TMEM72: variants seen among roughly 807,000 people sequenced by gnomAD.
The protein encoded by TMEM72 is kidney-specific secretory protein of 37 kDa.
TMEM72 carries 9 observed loss-of-function variants against 16.3 expected under a neutral mutation model. The ratio of observed to expected loss-of-function variants is 0.55; its 90% CI spans 0.33 to 0.96. The LOEUF is 0.96. TMEM72 is among the 40% of genes least tolerant of loss of function. TMEM72 has a pLI of 0.03. For missense variants in TMEM72, 324 were observed against 337.8 expected (o/e 0.96, Z 0.32); for synonymous variants, 160 against 146.5 (o/e 1.09, Z -0.66).
chr10:44,913,487 C>T (rs11595954), intron 1 of TMEM72, among the ~76,000 whole-genome samples: 1,750 of 152,166 alleles, frequency 0.012, 11 homozygotes, highest in Non-Finnish European at 0.018. Context: ...CAAACCCGTG[C>T]GCGCGCACAT....
chr10:44,934,886 A>G lies in TMEM72; in HGVS notation c.580A>G (p.Lys194Glu). ...IHMKSILKGTKKPSALQPPNT... is the reference protein window; with the variant it reads ...IHMKSILKGTEKPSALQPPNT... ...CATGAAGAGTATCCTGAAGGGGACT[A>G]AGAAGCCCAGTGCCCTCCAGCCCCC... The change falls in exon 5 of 5, where the codon AAG (lysine) becomes GAG (glutamate). Residue 194 changes from lysine to glutamate, a missense_variant. By Grantham distance (56) the Lys-to-Glu change is moderately conservative. Transcript: ENST00000389583. 6.2e-7 allele frequency: 1 copy of G among 1,613,504 alleles called. No homozygotes were observed. Among genetic ancestry groups the G allele is most frequent in the South Asian group, 1.1e-5 (1 of 91,020 alleles).
intron 1 of TMEM72, among the ~76,000 whole-genome samples, chr10:44,921,098 CT>C (rs1282040352): frequency 3.3e-5 from 5 of 152,206 alleles, no homozygotes; most frequent in African/African-American, 1.2e-4. Flanking sequence ...GAAGAAAGTT[CT>C]TGTACCAAGG....
rs1840382800 is a variant in TMEM72, at chr10:44,935,287, T to C, written c.*153T>C. 1.4e-6 allele frequency: 1 copy of C among 694,264 alleles called. No homozygotes were observed. The highest frequency in any genetic ancestry group is 2.3e-6 in the Non-Finnish European group (1 of 440,602). 43.0% of individuals were successfully genotyped at this position (694,264 alleles called of 1,614,324 possible). A position where few individuals can be genotyped will look rare whatever the true frequency, so the allele number is the denominator to read the frequency against. On this transcript the variant is annotated 3_prime_UTR_variant, in exon 5 of 5. Coordinates refer to ENST00000389583, the MANE Select transcript of TMEM72 (RefSeq NM_001123376.3). ...CCCTGAGGCCATCAGGAGGTGTGAC[T>C]GGCCAGCATTTCTGGAGAGGCCTCG...
chr10:44,921,513 G>C lies in TMEM72; in HGVS notation c.71-6408G>C, dbSNP rs568907241. Among the ~76,000 whole-genome samples the C allele has an allele frequency of 2.6e-5, 4 of 152,314 alleles. No individual in the cohort carries two copies. The South Asian group carries it at 8.3e-4, about 32-fold the overall frequency. ...TGAGGCTCTGATTCTGCGGGTAGCA[G>C]GGCCTTTGTCCCATTGTTTGTCTCC... On this transcript the variant is annotated intron_variant, in intron 1 of 4. Transcript: ENST00000389583.
chr10:44,932,066 TC>T lies in TMEM72; in HGVS notation c.208del (p.Gln70SerfsTer11), dbSNP rs749804416. ...YFVAQLLAIC[F>X]QCQPGSLADR... ...GTGGCTCAGCTGCTGGCCATCTGCTTCCAGTAAGTAGTTTCCAGAGAGACCC... is the reference window on the plus strand; with the variant it reads ...GTGGCTCAGCTGCTGGCCATCTGCTTCAGTAAGTAGTTTCCAGAGAGACCC... On this transcript the variant is annotated frameshift_variant and splice_region_variant, in exon 3 of 5. Transcript: ENST00000389583. LOFTEE classifies it high-confidence loss of function. 58 of 1,612,500 alleles carry T rather than the reference TC, an allele frequency of 3.6e-5. No individual in the cohort carries two copies. The highest frequency in any genetic ancestry group is 4.7e-5 in the Non-Finnish European group (55 of 1,179,380).
At chr10:44,913,801 G>A (rs1251254857) in intron 1 of TMEM72, among the ~76,000 whole-genome samples, 1 of 152,124 alleles carries the variant, frequency 6.6e-6, no homozygotes, top group Non-Finnish European at 1.5e-5. Flanking sequence ...CCTCTCTTTT[G>A]TTGAAATCTT....
At chr10:44,932,468 C>A (rs772106452) in intron 3 of TMEM72, among the ~76,000 whole-genome samples, 1 of 152,200 alleles carries the variant, frequency 6.6e-6, no homozygotes, top group African/African-American at 2.4e-5. Flanking sequence ...CTGTCTCTTC[C>A]TAGGGCCCGG....
chr10:44,911,718 T>C, intron 1 of TMEM72, 136 bp downstream of exon 1: 1 of 941,264 alleles, frequency 1.1e-6, no homozygotes, highest in Non-Finnish European at 1.6e-6. Flanking sequence ...CCAAGACCCC[T>C]AGAAACACTG....
chr10:44,915,877 C>CTCT (rs1840006478), intron 1 of TMEM72, among the ~76,000 whole-genome samples: 1 of 152,062 alleles, frequency 6.6e-6, no homozygotes, highest in African/African-American at 2.4e-5. Context: ...CATCTGGGGA[C>CTCT]AGACAAATCT....
At chr10:44,931,658 A>G (rs989243864) in intron 2 of TMEM72, among the ~76,000 whole-genome samples, 4 of 152,236 alleles carry the variant, frequency 2.6e-5, no homozygotes, top group Non-Finnish European at 5.9e-5. Flanking sequence ...TCCAGGTTTA[A>G]GGCTGGAACA....
At chr10:44,914,852 T>C (rs555200184) in intron 1 of TMEM72, among the ~76,000 whole-genome samples, 3 of 152,248 alleles carry the variant, frequency 2.0e-5, no homozygotes, top group Admixed American at 2.0e-4. Flanking sequence ...GAAAGCAGGG[T>C]TGGCTTCCCT....
intron 1 of TMEM72, among the ~76,000 whole-genome samples, chr10:44,921,207 G>A (rs528537696): frequency 6.6e-6 from 1 of 152,236 alleles, no homozygotes; most frequent in African/African-American, 2.4e-5. Context: ...ATCAAGGTGC[G>A]ATGCAAGGCA....
intron 4 of TMEM72, 69 bp from the exon 5 acceptor site, chr10:44,934,587 A>G: frequency 6.9e-7 from 1 of 1,443,128 alleles, no homozygotes; most frequent in Admixed American, 2.3e-5. Context: ...CTGCTGCACG[A>G]CATGCTTGCA....
At chr10:44,921,737 G>C (rs993646417) in intron 1 of TMEM72, among the ~76,000 whole-genome samples, 1 of 152,198 alleles carries the variant, frequency 6.6e-6, no homozygotes, top group Non-Finnish European at 1.5e-5. Flanking sequence ...AAGTATGGAA[G>C]GCCAGAGCGC....
chr10:44,911,407 A>G lies in TMEM72; in HGVS notation c.-106A>G. On this transcript the variant is annotated 5_prime_UTR_variant, in exon 1 of 5. Transcript: ENST00000389583. ...TTGGGAAGGCAGGGCCCCGGTGTGC[A>G]GCCACAGCCAGCAGCCTCCTACCTA... 8.1e-7 allele frequency: 1 copy of G among 1,228,310 alleles called. No homozygotes were observed. The highest frequency in any genetic ancestry group is 1.4e-5 in the South Asian group (1 of 70,550). 76.1% of individuals were successfully genotyped at this position (1,228,310 alleles called of 1,614,324 possible).
intron 2 of TMEM72, 83 bp downstream of exon 2, chr10:44,928,070 G>A (rs182629087): frequency 4.2e-5 from 62 of 1,485,888 alleles, no homozygotes; most frequent in Middle Eastern, 1.7e-4. Context: ...ATAACTCAGA[G>A]CAGTCCCCTT....
intron 1 of TMEM72, among the ~76,000 whole-genome samples, chr10:44,915,901 G>C (rs533978969): frequency 6.6e-6 from 1 of 152,192 alleles, no homozygotes; most frequent in African/African-American, 2.4e-5. Flanking sequence ...CACATTTCCA[G>C]GGGGAACTAT....
At chr10:44,924,702 T>A (rs1840157558) in intron 1 of TMEM72, among the ~76,000 whole-genome samples, 1 of 152,238 alleles carries the variant, frequency 6.6e-6, no homozygotes, top group African/African-American at 2.4e-5. Flanking sequence ...CAGAAAGCGG[T>A]GACCCGTTGG....
intron 2 of TMEM72, among the ~76,000 whole-genome samples, chr10:44,929,818 G>A (rs914696): frequency 6.6e-6 from 1 of 152,194 alleles, no homozygotes; most frequent in Admixed American, 6.5e-5. Context: ...CCCAAGCACC[G>A]TCCACCCATT....
Sources: gnomAD v4.1 joint callset for allele counts (sites outside exome capture counted in the v4.1 genomes callset) on GRCh38, gnomAD v4.1.1 for gene constraint, MANE v1.5 for transcripts, NCBI Gene and HGNC (gene_info 2026-07-23, HGNC 2026-07-21) for gene names.